The following RNF207 variants were observed in gnomAD, a reference collection of about 807,000 sequenced individuals.
RNF207 encodes the protein ring finger protein 207, also known as OTTHUMG00000001089.
A neutral mutation model predicts 79.0 loss-of-function variants in RNF207; 72 were observed. The observed-to-expected ratio is 0.91, with a 90% CI of 0.75 to 1.11. The LOEUF (loss-of-function observed/expected upper bound fraction) is 1.11, where lower values mean the gene tolerates loss of function less well. Among genes scored for constraint, RNF207 ranks in the 50% least tolerant of loss-of-function variants. The pLI, the probability that RNF207 is intolerant of heterozygous loss-of-function variation, is 0.00. For synonymous variants in RNF207, 348 were observed against 366.2 expected (o/e 0.95, Z 0.57); for missense variants, 936 against 855.8 (o/e 1.09, Z -1.17).
At chr1:6,206,941 C>G (rs1667932048) in intron 2 of RNF207, among the ~76,000 whole-genome samples, 1 of 152,298 alleles carries the variant, frequency 6.6e-6, no homozygotes, top group East Asian at 1.9e-4. Flanking sequence ...CTGGAGATTG[C>G]AGTTACTGGC....
rs1350024016 is a variant in RNF207 at position 6,206,665 on chromosome 1, T to C, written c.130T>C (p.Phe44Leu). ...GTGTCTTCTGGACTGTTTCCACGAC[T>C]TCTGTGCCGGCTGCCTGCGTGGCCG... is the stretch of plus-strand genomic sequence containing the variant. Reference protein sequence around the residue: ...RPCLLDCFHDFCAGCLRGRAT... With the variant: ...RPCLLDCFHDLCAGCLRGRAT... Residue 44 changes from phenylalanine (F) to leucine (L), a missense_variant, in exon 2 of 18, where the codon TTC (phenylalanine) becomes CTC (leucine). Transcript: ENST00000377939. 1.9e-6 allele frequency: 3 copies of C among 1,607,124 alleles called. 1 individual carries two copies. In the Admixed American group the frequency reaches 5.0e-5, roughly 27 times the overall value.
In RNF207 at chr1:6,219,596, G is replaced by A. The variant is rs1403918582; in HGVS notation, c.*189G>A. The A allele has an allele frequency of 7.3e-5, 26 of 358,602 alleles. No homozygotes were observed. The highest frequency in any genetic ancestry group is 1.6e-3 in the Middle Eastern group (2 of 1,244). The allele number at this position is 358,602 out of a possible 1,614,324, so 22.2% of individuals were successfully genotyped here. ...CAACCTCTGCCTCCTGGGTTCAAGCGATTCTCCTGCCTCAGCCTCCCGAGT... is the reference window on the plus strand; with the variant it reads ...CAACCTCTGCCTCCTGGGTTCAAGCAATTCTCCTGCCTCAGCCTCCCGAGT... On this transcript the variant is annotated 3_prime_UTR_variant, in exon 18 of 18. Coordinates refer to ENST00000377939, the MANE Select transcript of RNF207 (RefSeq NM_207396.3).
chr1:6,213,736 G>C (rs1668265387), intron 16 of RNF207, among the ~76,000 whole-genome samples: 1 of 152,220 alleles, frequency 6.6e-6, no homozygotes, highest in Non-Finnish European at 1.5e-5. Flanking sequence ...GGCTGATCCA[G>C]GCAGCAGGAC....
chr1:6,215,669 CTTTG>C (rs200487413), intron 16 of RNF207, among the ~76,000 whole-genome samples: 3,873 of 152,102 alleles, frequency 0.025, 129 homozygotes, highest in Admixed American at 0.1. Context: ...TTGTGAAGGT[CTTTG>C]TTTGTTTGAG....
chr1:6,212,660 A>C, intron 14 of RNF207, 22 bp from the exon 15 acceptor site: 1 of 1,609,526 alleles, frequency 6.2e-7, no homozygotes, highest in Non-Finnish European at 8.5e-7. Flanking sequence ...GCCACATCCA[A>C]TGTCCAGCTT....
At chr1:6,215,331 C>CTT (rs147320112) in intron 16 of RNF207, among the ~76,000 whole-genome samples, 43 of 138,796 alleles carry the variant, frequency 3.1e-4, no homozygotes, top group African/African-American at 3.5e-4. Context: ...CCCGGCCCCC[C>CTT]TTTTTTTTTT....
At position 6,211,804 on chromosome 1, in the gene RNF207, T is replaced by C. The variant is rs923559301; in HGVS notation, c.1110-63T>C. The C allele has an allele frequency of 1.3e-4, 163 of 1,275,892 alleles. No homozygotes were observed. The highest frequency in any genetic ancestry group is 1.9e-4 in the African/African-American group (13 of 67,954). The allele number at this position is 1,275,892 out of a possible 1,614,324, so 79.0% of individuals were successfully genotyped here. A position where few individuals can be genotyped will look rare whatever the true frequency, so the allele number is the denominator to read the frequency against. ...CCCGGAGCAGTCCAGGGGGCTGCCCTGGGAGGCTGGGGGAGGGGCAGACTT... is the reference window on the plus strand; with the variant it reads ...CCCGGAGCAGTCCAGGGGGCTGCCCCGGGAGGCTGGGGGAGGGGCAGACTT... On this transcript the variant is annotated intron_variant, in intron 12 of 17. Coordinates refer to ENST00000377939, the MANE Select transcript of RNF207 (RefSeq NM_207396.3). This position sits in a 1 kb window ranked among gnomAD's most constrained non-coding sequence, Gnocchi z 4.2.
chr1:6,209,382 C>T (rs1177252890), intron 6 of RNF207, 32 bp from the exon 7 acceptor site: 8 of 1,524,618 alleles, frequency 5.2e-6, no homozygotes, highest in Non-Finnish European at 6.1e-6. Flanking sequence ...CGCGCGGCGG[C>T]GATCGCGAGC....
chr1:6,220,230 G>A lies in RNF207; in HGVS notation c.*823G>A, dbSNP rs912620456. On this transcript the variant is annotated 3_prime_UTR_variant, in exon 18 of 18. Coordinates refer to ENST00000377939, the MANE Select transcript of RNF207 (RefSeq NM_207396.3). ...TGCATGGCATGAAGTCTTCGTCCTTGTCACAGTAGCTTGGGATGACTCCCA... is the reference window on the plus strand; with the variant it reads ...TGCATGGCATGAAGTCTTCGTCCTTATCACAGTAGCTTGGGATGACTCCCA... The A allele has an allele frequency of 8.5e-5, 13 of 152,224 alleles. No individual in the cohort carries two copies. Among genetic ancestry groups the A allele is most frequent in the Non-Finnish European group, 1.6e-4 (11 of 68,052 alleles). 9.4% of individuals were successfully genotyped at this position (152,224 alleles called of 1,614,324 possible).
In RNF207 at chr1:6,210,310, G is replaced by C. The variant is rs1668109457; in HGVS notation, c.873+15G>C. ...CCACCCTGCAGGTACAGGGAGCTCG[G>C]GGTGCGGGTGGGTCCCTCCTCCTCC... On this transcript the variant is annotated intron_variant, in intron 9 of 17. Coordinates refer to ENST00000377939, the MANE Select transcript of RNF207 (RefSeq NM_207396.3). The C allele has an allele frequency of 1.9e-6, 3 of 1,613,400 alleles. No individual in the cohort carries two copies.
intron 7 of RNF207, 33 bp from the exon 8 acceptor site, chr1:6,209,891 G>T (rs572290194): frequency 6.4e-7 from 1 of 1,560,064 alleles, no homozygotes; most frequent in South Asian, 1.2e-5. Context: ...GGGCTGGGGC[G>T]CAAATCAAGA....
rs1449212485 is a variant in RNF207 at position 6,206,216 on chromosome 1, G to A, written c.-87G>A. On this transcript the variant is annotated 5_prime_UTR_variant, in exon 1 of 18. Transcript: ENST00000377939. ...GGCAGAGCGACCGCGCGGTGTCTCA[G>A]AGCGCGGCCCGGAGCCGCACTAAGA... The A allele has an allele frequency of 3.3e-6, 1 of 306,688 alleles. No individual in the cohort carries two copies. 19.0% of individuals were successfully genotyped at this position (306,688 alleles called of 1,614,324 possible). A position where few individuals can be genotyped will look rare whatever the true frequency, so the allele number is the denominator to read the frequency against.
rs755990552 is a variant in RNF207 at position 6,212,360 on chromosome 1, G to A, written c.1426G>A (p.Val476Met). Reference protein sequence around the residue: ...DVLHKSLQLDVQIASEHASLE... With the variant: ...DVLHKSLQLDMQIASEHASLE... The stretch of plus-strand genomic sequence containing the variant: ...CCTGCACAAGTCCCTGCAACTGGAC[G>A]TGCAGATCGCCTCGGAGCACGCCTC... The change falls in exon 14 of 18, where the codon GTG becomes ATG. Residue 476 changes from valine (V) to methionine (M), a missense_variant. Coordinates refer to ENST00000377939, the MANE Select transcript of RNF207 (RefSeq NM_207396.3). 48 of 1,613,718 alleles carry A rather than the reference G, an allele frequency of 3.0e-5. No individual in the cohort carries two copies. Among genetic ancestry groups the A allele is most frequent in the African/African-American group, 4.0e-5 (3 of 74,878 alleles).
intron 10 of RNF207, 172 bp downstream of exon 10, chr1:6,210,610 A>G (rs1668122773): frequency 3.2e-6 from 2 of 632,294 alleles, no homozygotes; most frequent in South Asian, 3.8e-5. Flanking sequence ...TCACTGTTAC[A>G]AGGACAGTGA....
At position 6,212,305 on chromosome 1, in the gene RNF207, G is replaced by A. The variant is rs768717928; in HGVS notation, c.1371G>A (p.Ser457=). The A allele has an allele frequency of 4.3e-6, 7 of 1,613,914 alleles. No homozygotes were observed. The highest frequency in any genetic ancestry group is 1.7e-5 in the Admixed American group (1 of 59,994). ...ELHRDLTKHH[S]LIKAEIMGDV... is the part of the protein sequence containing the mutation. ...ACCGAGACCTCACCAAGCACCACTC[G>A]CTCATCAAGGCGGAGATCATGGGAG... The change falls in exon 14 of 18, where the codon TCG becomes TCA. Residue 457 remains serine (S), a synonymous_variant. Coordinates refer to ENST00000377939, the MANE Select transcript of RNF207 (RefSeq NM_207396.3).
intron 10 of RNF207, 151 bp from the exon 11 acceptor site, chr1:6,210,719 G>T: frequency 1.4e-6 from 1 of 740,464 alleles, no homozygotes; most frequent in South Asian, 1.7e-5. Flanking sequence ...TGGGATGGGG[G>T]TTTGTCCGGG....
chr1:6,209,091 C>T (rs1668039685), intron 4 of RNF207, 24 bp from the exon 5 acceptor site: 3 of 1,548,474 alleles, frequency 1.9e-6, no homozygotes, highest in African/African-American at 1.4e-5. Context: ...CCGGAGCCCT[C>T]ACCACCGCCC....
chr1:6,218,439 A>T (rs1668437968), intron 17 of RNF207, 70 bp downstream of exon 17: 1 of 1,204,240 alleles, frequency 8.3e-7, no homozygotes, highest in South Asian at 1.3e-5. Context: ...ACGACAAAGG[A>T]AACTCCAGGC....
chr1:6,219,382 C>T lies in RNF207; in HGVS notation c.1880C>T (p.Pro627Leu). 6.2e-7 allele frequency: 1 copy of T among 1,608,740 alleles called. No homozygotes were observed. Among genetic ancestry groups the T allele is most frequent in the Non-Finnish European group, 8.5e-7 (1 of 1,177,904 alleles). ...RSKQKNGGDVPTWREHPT is the reference protein window; with the variant it reads ...RSKQKNGGDVLTWREHPT The stretch of plus-strand genomic sequence containing the variant: ...AAACAGAAAAATGGGGGCGATGTCC[C>T]CACATGGAGGGAACACCCGACTTAG... Residue 627 changes from proline to leucine, a missense_variant, in exon 18 of 18, where the codon CCC becomes CTC. Coordinates refer to ENST00000377939, the MANE Select transcript of RNF207 (RefSeq NM_207396.3).
Sources: gnomAD v4.1 joint callset for allele counts (sites outside exome capture counted in the v4.1 genomes callset) on GRCh38, gnomAD v4.1.1 for gene constraint, Gnocchi (gnomAD v3.1) non-coding constraint, MANE v1.5 for transcripts, NCBI Gene and HGNC (gene_info 2026-07-23, HGNC 2026-07-21) for gene names.